NUP62: variants seen among roughly 807,000 people sequenced by gnomAD.
The protein encoded by NUP62 is nuclear pore glycoprotein p62.
For synonymous variants in NUP62, 305 were observed against 303.4 expected, an observed-to-expected ratio of 1.01 and a Z score of -0.05; for missense variants, 647 against 689.4, an observed-to-expected ratio of 0.94 and a Z score of 0.69.
At chr19:49,923,166 C>T (rs547079906) in intron 2 of NUP62, among the ~76,000 whole-genome samples, 1 of 152,110 alleles carries the variant, frequency 6.6e-6, no homozygotes, top group Non-Finnish European at 1.5e-5. Context: ...CTGTGGGCCA[C>T]GTGGCAGCCT....
chr19:49,924,506 C>T (rs1445841591), intron 2 of NUP62, among the ~76,000 whole-genome samples: 1 of 152,174 alleles, frequency 6.6e-6, no homozygotes, highest in African/African-American at 2.4e-5. Flanking sequence ...GCAACCACCG[C>T]CTCACTCCCC....
At chr19:49,916,855 A>C (rs111859357) in intron 2 of NUP62, among the ~76,000 whole-genome samples, 1 of 152,118 alleles carries the variant, frequency 6.6e-6, no homozygotes, top group Non-Finnish European at 1.5e-5. Flanking sequence ...CAGGAGTTTG[A>C]GGCTGCAGTG....
rs736941 is a variant in NUP62, at chr19:49,921,684, T to C, written c.-78+6010A>G. 0.25 allele frequency among the ~76,000 whole-genome samples: 37,861 copies of C among 152,118 alleles called. 4,926 individuals carry two copies. The highest frequency in any genetic ancestry group is 0.31 in the African/African-American group (12,993 of 41,488). On this transcript the variant is annotated intron_variant, in intron 2 of 2. Transcript: ENST00000352066. This position sits in a 1 kb window ranked among gnomAD's most constrained non-coding sequence, Gnocchi z 5.4. ...TCCATGGGGGGTACCCCTCTGCCCA[T>C]TGAGGGGGCACCTAGGGAGCCTAGG...
rs181535038 is a variant in NUP62, at chr19:49,926,789, C to A, written c.-78+905G>T. Among the ~76,000 whole-genome samples, 297 of 151,970 alleles carry A rather than the reference C, an allele frequency of 2.0e-3. 1 individual carries two copies. The highest frequency in any genetic ancestry group is 0.011 in the South Asian group (53 of 4,814). Reference sequence around the variant, plus strand: ...TATGCAGCACCTACTGTGTCCCAGGCGTTAGTCTAACTGCTCGACACGGAT... The same window carrying A: ...TATGCAGCACCTACTGTGTCCCAGGAGTTAGTCTAACTGCTCGACACGGAT... On this transcript the variant is annotated intron_variant, in intron 2 of 2. Transcript: ENST00000352066.
At position 49,908,279 on chromosome 19, in the gene NUP62, C is replaced by T. The variant is rs142980354; in HGVS notation, c.1529G>A (p.Arg510His). 6.2e-6 allele frequency: 10 copies of T among 1,613,652 alleles called. No homozygotes were observed. Among genetic ancestry groups the T allele is most frequent in the African/African-American group, 5.3e-5 (4 of 74,910 alleles). Residue 510 changes from arginine to histidine, a missense_variant, in exon 3 of 3, where the codon CGC becomes CAC. Coordinates refer to ENST00000352066, the MANE Select transcript of NUP62 (RefSeq NM_016553.5). ...EEVTKVCEGR[R>H]KEQERSFRIT... ...CCGGAAGCTGCGCTCCTGCTCCTTG[C>T]GCCGGCCCTCGCACACCTTGGTCAC... is the stretch of plus-strand genomic sequence containing the variant.
chr19:49,919,844 C>G (rs2075721580), intron 2 of NUP62, among the ~76,000 whole-genome samples: 1 of 152,114 alleles, frequency 6.6e-6, no homozygotes, highest in African/African-American at 2.4e-5. Context: ...ACTCTGGTGC[C>G]AAGGCTTCTT....
intron 1 of NUP62, 24 bp downstream of exon 1, chr19:49,929,301 GC>G: frequency 6.5e-6 from 1 of 154,322 alleles, no homozygotes; most frequent in Non-Finnish European, 1.4e-5. Context: ...ACCCCTTTGT[GC>G]CCCCGGCCCG....
intron 2 of NUP62, among the ~76,000 whole-genome samples, chr19:49,911,942 C>G (rs1482237019): frequency 6.6e-6 from 1 of 152,216 alleles, no homozygotes; most frequent in Non-Finnish European, 1.5e-5. Context: ...GTCCTCACTG[C>G]TGAGCCACCT....
chr19:49,913,791 T>C (rs1186865158), intron 2 of NUP62, among the ~76,000 whole-genome samples: 1 of 152,178 alleles, frequency 6.6e-6, no homozygotes, highest in Non-Finnish European at 1.5e-5. Flanking sequence ...TTGGGGACTG[T>C]GGGCCACGTG....
chr19:49,923,063 T>G (rs892365775), intron 2 of NUP62, among the ~76,000 whole-genome samples: 2 of 151,506 alleles, frequency 1.3e-5, no homozygotes, highest in Non-Finnish European at 2.9e-5. Context: ...TTGTTATCAG[T>G]TTGCTGTGTC....
At chr19:49,923,968 A>G (rs2075824011) in intron 2 of NUP62, among the ~76,000 whole-genome samples, 1 of 152,230 alleles carries the variant, frequency 6.6e-6, no homozygotes. Context: ...CAAAACTCGG[A>G]GCCTTTTCCA....
In NUP62 at chr19:49,918,898, G is replaced by C. The variant is rs1283132601; in HGVS notation, c.-78+8796C>G. 1.3e-4 allele frequency among the ~76,000 whole-genome samples: 9 copies of C among 71,318 alleles called. No homozygotes were observed. In the East Asian group the frequency reaches 3.4e-3, roughly 27 times the overall value. The allele number at this position is 71,318 out of a possible 152,430, so 46.8% of individuals were successfully genotyped here. ...CAATCCCAGCACTTTGGGAGGCTGG[G>C]GGGGGGGGGGCGGGGTGTGGGGGGG... On this transcript the variant is annotated intron_variant, in intron 2 of 2. Coordinates refer to ENST00000352066, the MANE Select transcript of NUP62 (RefSeq NM_016553.5).
In NUP62 at chr19:49,921,113, C is replaced by T. The variant is rs574571188; in HGVS notation, c.-78+6581G>A. Among the ~76,000 whole-genome samples the T allele has an allele frequency of 6.6e-5, 10 of 152,280 alleles. No homozygotes were observed. The South Asian group carries it at 1.7e-3, about 25-fold the overall frequency. ...CACCCACATTTCATGGCATTTCTCA[C>T]GCGCTGGGCTGTTTCCAGGGCTTCA... On this transcript the variant is annotated intron_variant, in intron 2 of 2. Transcript: ENST00000352066. The surrounding 1 kb of genome is among the most constrained non-coding windows in gnomAD (Gnocchi z 5.4).
rs2122728134 is a variant in NUP62 at position 49,921,461 on chromosome 19, C to G, written c.-78+6233G>C. ...TCCAGACCAGCCTGGGCTTCACTCT[C>G]AAATCCAATTCAGGATGATCCGCCC... is the stretch of plus-strand genomic sequence containing the variant. On this transcript the variant is annotated intron_variant, in intron 2 of 2. Coordinates refer to ENST00000352066, the MANE Select transcript of NUP62 (RefSeq NM_016553.5). The surrounding 1 kb of genome is among the most constrained non-coding windows in gnomAD (Gnocchi z 5.4). Among the ~76,000 whole-genome samples, 1 of 152,312 alleles carries G rather than the reference C, an allele frequency of 6.6e-6. No individual in the cohort carries two copies. Among genetic ancestry groups the G allele is most frequent in the Non-Finnish European group, 1.5e-5 (1 of 68,020 alleles).
At position 49,907,581 on chromosome 19, in the gene NUP62, G is replaced by T; in HGVS notation, c.*658C>A. On this transcript the variant is annotated 3_prime_UTR_variant, in exon 3 of 3. Coordinates refer to ENST00000352066, the MANE Select transcript of NUP62 (RefSeq NM_016553.5). ...TTTGAGACAGAGTCTCTGTTGCCTA[G>T]GCTGGAGTGCAGTGGTGTGATCTTG... The T allele has an allele frequency of 4.8e-6, 2 of 416,660 alleles. No individual in the cohort carries two copies. Among genetic ancestry groups the T allele is most frequent in the Admixed American group, 3.0e-5 (1 of 33,238 alleles). 25.8% of individuals were successfully genotyped at this position (416,660 alleles called of 1,614,324 possible).
Position 49,909,167 on chromosome 19 carries a change from A to C in NUP62, c.641T>G (p.Ile214Ser). The C allele has an allele frequency of 6.2e-7, 1 of 1,613,514 alleles. No homozygotes were observed. The highest frequency in any genetic ancestry group is 8.5e-7 in the Non-Finnish European group (1 of 1,179,822). Reference sequence around the variant, plus strand: ...AAAGAGGCTGGGCCCAGTGCTGGTGATGGTGGCTGTGGGTGTGGGAGCAGC... The same window carrying C: ...AAAGAGGCTGGGCCCAGTGCTGGTGCTGGTGGCTGTGGGTGTGGGAGCAGC... The part of the protein sequence containing the change: ...QPAAPTPTAT[I>S]TSTGPSLFAS... The change falls in exon 3 of 3, where the codon ATC becomes AGC. Residue 214 changes from isoleucine (I) to serine (S), a missense_variant. By Grantham distance (142) the Ile-to-Ser change is moderately radical. Coordinates refer to ENST00000352066, the MANE Select transcript of NUP62 (RefSeq NM_016553.5).
At chr19:49,912,161 T>C (rs2075480696) in intron 2 of NUP62, among the ~76,000 whole-genome samples, 1 of 145,806 alleles carries the variant, frequency 6.9e-6, no homozygotes, top group Non-Finnish European at 1.5e-5. Context: ...GGCTTAACAG[T>C]TCACCTTTTT....
Position 49,908,135 on chromosome 19 carries a change from A to G in NUP62, c.*104T>C. 1.3e-6 allele frequency: 2 copies of G among 1,522,982 alleles called. No individual in the cohort carries two copies. Among genetic ancestry groups the G allele is most frequent in the Non-Finnish European group, 1.8e-6 (2 of 1,139,048 alleles). The allele number at this position is 1,522,982 out of a possible 1,614,324, so 94.3% of individuals were successfully genotyped here. A position where few individuals can be genotyped will look rare whatever the true frequency, so the allele number is the denominator to read the frequency against. On this transcript the variant is annotated 3_prime_UTR_variant, in exon 3 of 3. Transcript: ENST00000352066. ...TCAAGGGCAGTCATGTGAAAGAAAG[A>G]AACAAACAAACAAGTATCTTGCCAC...
rs888449531 is a variant in NUP62, at chr19:49,907,199, T to C, written c.*1040A>G. ...CGAGGCACAAACGGCTAGCACAGGA[T>C]AGCATAACAAGTGCCACCCAAGGTA... is the stretch of plus-strand genomic sequence containing the variant. On this transcript the variant is annotated 3_prime_UTR_variant, in exon 3 of 3. Transcript: ENST00000352066. The C allele has an allele frequency of 4.6e-6, 1 of 217,308 alleles. No homozygotes were observed. Among genetic ancestry groups the C allele is most frequent in the African/African-American group, 2.4e-5 (1 of 41,922 alleles). 13.5% of individuals were successfully genotyped at this position (217,308 alleles called of 1,614,324 possible).
Sources: gnomAD v4.1 joint callset for allele counts (sites outside exome capture counted in the v4.1 genomes callset) on GRCh38, gnomAD v4.1.1 for gene constraint, Gnocchi (gnomAD v3.1) non-coding constraint, MANE v1.5 for transcripts, NCBI Gene and HGNC (gene_info 2026-07-23, HGNC 2026-07-21) for gene names.